Variants in PAK1 observed in about 807,000 individuals in gnomAD.
The protein encoded by PAK1 is p21 (RAC1) activated kinase 1.
Under a neutral mutation model 67.4 loss-of-function variants are expected in PAK1, and 29 were observed. That is an observed-to-expected ratio of 0.43 (90% CI 0.32 to 0.59). PAK1 has a LOEUF of 0.59. Ranked by LOEUF, PAK1 falls within the 20% of genes least tolerant of loss-of-function variation. The probability of loss-of-function intolerance (pLI) is 0.07; values close to 1 mark genes in which losing one functional copy is unlikely to be tolerated. For missense variants in PAK1, 337 were observed against 670.7 expected (o/e 0.50, Z 5.50); for synonymous variants, 223 against 237.4 (o/e 0.94, Z 0.56).
chr11:77,435,838 T>C (rs1228158554), intron 1 of PAK1, among the ~76,000 whole-genome samples: 3 of 152,006 alleles, frequency 2.0e-5, no homozygotes, highest in Admixed American at 2.0e-4. Flanking sequence ...ACATCCCTTA[T>C]CACTAGTATT....
At chr11:77,415,694 CAGTG>C (rs1309705289) in intron 1 of PAK1, among the ~76,000 whole-genome samples, 3 of 151,732 alleles carry the variant, frequency 2.0e-5, no homozygotes, top group Admixed American at 6.6e-5. Flanking sequence ...CTGGGTGAGT[CAGTG>C]AGTGAGAGGT....
At chr11:77,452,299 C>T (rs1024568057) in intron 1 of PAK1, among the ~76,000 whole-genome samples, 13 of 152,126 alleles carry the variant, frequency 8.5e-5, no homozygotes, top group African/African-American at 3.1e-4. Flanking sequence ...GTAGCAGAGC[C>T]ACAGTTTGTA....
chr11:77,375,914 T>TTGA (rs1949025161), intron 4 of PAK1, among the ~76,000 whole-genome samples: 1 of 152,218 alleles, frequency 6.6e-6, no homozygotes, highest in South Asian at 2.1e-4. Flanking sequence ...TACAGCTTCT[T>TTGA]TGACACTACA....
Position 77,379,985 on chromosome 11 carries a change from T to C in PAK1, c.200A>G (p.Lys67Arg), listed in dbSNP as rs1949606874. Residue 67 changes from lysine to arginine, a missense_variant, in exon 3 of 15, where the codon AAG (lysine) becomes AGG (arginine). Physicochemically the swap from Lys to Arg is conservative, Grantham distance 26 (BLOSUM62 2). This residue lies in a region of PAK1 where 43 missense variants were observed against 141.5 expected (regional missense o/e 0.30). Transcript: ENST00000356341. ...SILPGDKTNK[K>R]KEKERPEISL... ...AATCTCTGGCCGCTCTTTCTCTTTC[T>C]TTTTATTTGCTGCAAGAGAAACAGG... 1.9e-6 allele frequency: 3 copies of C among 1,611,806 alleles called. No homozygotes were observed. The highest frequency in any genetic ancestry group is 2.5e-6 in the Non-Finnish European group (3 of 1,178,544).
chr11:77,453,162 C>T (rs1282827248), intron 1 of PAK1, among the ~76,000 whole-genome samples: 2 of 152,186 alleles, frequency 1.3e-5, no homozygotes, highest in Non-Finnish European at 2.9e-5. Flanking sequence ...CAAGATCAGC[C>T]TGGCCAATAT....
intron 2 of PAK1, among the ~76,000 whole-genome samples, chr11:77,386,477 C>A (rs1197160186): frequency 1.3e-5 from 2 of 152,208 alleles, no homozygotes; most frequent in African/African-American, 4.8e-5. Flanking sequence ...AGGAACCAGG[C>A]TTTCCCACAT....
chr11:77,470,731 T>A (rs1182218451), intron 1 of PAK1, among the ~76,000 whole-genome samples: 1 of 152,236 alleles, frequency 6.6e-6, no homozygotes, highest in African/African-American at 2.4e-5. Flanking sequence ...GAGACAGTTT[T>A]AAGTTAAAAG....
At chr11:77,443,140 T>A (rs1217683550) in intron 1 of PAK1, among the ~76,000 whole-genome samples, 1 of 151,644 alleles carries the variant, frequency 6.6e-6, no homozygotes, top group African/African-American at 2.4e-5. Flanking sequence ...ATGGCCAACA[T>A]GGTAAAACCC....
chr11:77,325,555 C>A (rs536848323), intron 14 of PAK1, among the ~76,000 whole-genome samples: 1 of 152,278 alleles, frequency 6.6e-6, no homozygotes, highest in Non-Finnish European at 1.5e-5. Context: ...AGGTCACTAA[C>A]CTTTCAAGAA....
chr11:77,348,452 G>A (rs1944756706), intron 9 of PAK1, among the ~76,000 whole-genome samples: 1 of 152,166 alleles, frequency 6.6e-6, no homozygotes, highest in Non-Finnish European at 1.5e-5. Context: ...TGAAATGAGA[G>A]GGACAAAAAG....
chr11:77,523,925 G>C, the PAK1 span, among the ~76,000 whole-genome samples: 840 of 152,140 alleles, frequency 5.5e-3, 8 homozygotes, highest in Middle Eastern at 0.02. Flanking sequence ...CAGTGTCTGT[G>C]GACATCAACA....
At chr11:77,369,523 C>T (rs1445325774) in intron 5 of PAK1, among the ~76,000 whole-genome samples, 1 of 142,474 alleles carries the variant, frequency 7.0e-6, no homozygotes, top group African/African-American at 2.6e-5. Flanking sequence ...TCTCAGCTCA[C>T]TGCAACCTCT....
chr11:77,346,038 A>G (rs1214010967), intron 9 of PAK1, among the ~76,000 whole-genome samples: 1 of 152,136 alleles, frequency 6.6e-6, no homozygotes, highest in Non-Finnish European at 1.5e-5. Context: ...TGCAATGGCA[A>G]TCTCTGCTCA....
the PAK1 span, among the ~76,000 whole-genome samples, chr11:77,494,865 TA>T: frequency 6.6e-6 from 1 of 151,856 alleles, no homozygotes; most frequent in South Asian, 2.1e-4. Context: ...TATACAAAAT[TA>T]AAAAATTAAA....
intron 1 of PAK1, among the ~76,000 whole-genome samples, chr11:77,434,692 C>T (rs566061400): frequency 1.3e-5 from 2 of 152,156 alleles, no homozygotes; most frequent in East Asian, 3.9e-4. Flanking sequence ...GATGTCTGCT[C>T]ACTGCAACCT....
intron 1 of PAK1, among the ~76,000 whole-genome samples, chr11:77,400,989 T>C (rs934200826): frequency 6.6e-6 from 1 of 152,164 alleles, no homozygotes; most frequent in African/African-American, 2.4e-5. Flanking sequence ...TGTGTGGTGA[T>C]AGAACCACTA....
At chr11:77,378,247 G>A (rs1056059717) in intron 4 of PAK1, among the ~76,000 whole-genome samples, 7 of 152,174 alleles carry the variant, frequency 4.6e-5, no homozygotes. Flanking sequence ...GTCCGCTGTG[G>A]AAGGAGAGCC....
At chr11:77,398,176 C>T (rs1164791174) in intron 1 of PAK1, among the ~76,000 whole-genome samples, 4 of 152,186 alleles carry the variant, frequency 2.6e-5, no homozygotes, top group Non-Finnish European at 5.9e-5. Flanking sequence ...TGATTACAGT[C>T]ACCCTGCTGT....
chr11:77,499,803 A>G, the PAK1 span, among the ~76,000 whole-genome samples: 1 of 152,184 alleles, frequency 6.6e-6, no homozygotes, highest in Admixed American at 6.6e-5. Context: ...CTGCACACAC[A>G]CACACACATA....
Sources: gnomAD v4.1 joint callset for allele counts (sites outside exome capture counted in the v4.1 genomes callset) on GRCh38, gnomAD v4.1.1 for gene constraint, gnomAD v4.1.1 regional missense constraint, MANE v1.5 for transcripts, NCBI Gene and HGNC (gene_info 2026-07-23, HGNC 2026-07-21) for gene names.